Variants in RGS7BP observed in about 807,000 individuals in gnomAD.
RGS7BP encodes regulator of G protein signaling 7-binding protein.
In RGS7BP, 9 loss-of-function variants were observed where a neutral mutation model predicts 31.3. That is an observed-to-expected ratio of 0.29 (90% CI 0.17 to 0.50). The LOEUF is 0.50. Ranked by LOEUF, RGS7BP falls within the 20% of genes least tolerant of loss-of-function variation. The probability of loss-of-function intolerance (pLI) is 0.98; values close to 1 mark genes in which losing one functional copy is unlikely to be tolerated. For missense variants in RGS7BP, 274 were observed against 322.0 expected (o/e 0.85, Z 1.14); for synonymous variants, 115 against 120.1 (o/e 0.96, Z 0.28).
At chr5:64,540,713 G>A (rs1741506218) in intron 2 of RGS7BP, among the ~76,000 whole-genome samples, 1 of 152,178 alleles carries the variant, frequency 6.6e-6, no homozygotes, top group African/African-American at 2.4e-5. Context: ...ATTATTGGGG[G>A]AACTCTTGTG....
intron 2 of RGS7BP, among the ~76,000 whole-genome samples, chr5:64,533,250 G>T (rs561956649): frequency 6.6e-6 from 1 of 152,150 alleles, no homozygotes; most frequent in Non-Finnish European, 1.5e-5. Flanking sequence ...GAGAGAGACT[G>T]ATGTGGTTGG....
chr5:64,548,699 G>A (rs1741718512), intron 2 of RGS7BP, among the ~76,000 whole-genome samples: 1 of 151,920 alleles, frequency 6.6e-6, no homozygotes, highest in Non-Finnish European at 1.5e-5. Flanking sequence ...TAGAGACGGG[G>A]TTTCATCATG....
chr5:64,595,322 C>T (rs1272508634), intron 4 of RGS7BP, among the ~76,000 whole-genome samples: 1 of 152,158 alleles, frequency 6.6e-6, no homozygotes, highest in Non-Finnish European at 1.5e-5. Context: ...GCCTGCTTAG[C>T]TGCCATTTAG....
intron 2 of RGS7BP, among the ~76,000 whole-genome samples, chr5:64,537,517 A>G (rs1741407861): frequency 6.6e-6 from 1 of 152,076 alleles, no homozygotes; most frequent in Admixed American, 6.6e-5. Flanking sequence ...TGGGTAGGAG[A>G]GTTTTTACTG....
At chr5:64,604,316 A>G (rs1301097094) in intron 5 of RGS7BP, among the ~76,000 whole-genome samples, 1 of 152,050 alleles carries the variant, frequency 6.6e-6, no homozygotes. Flanking sequence ...CTTCTCCTCC[A>G]AATGGGAGGA....
rs535980303 is a variant in RGS7BP, at chr5:64,520,931, G to A, written c.332+13054G>A. 4.6e-5 allele frequency among the ~76,000 whole-genome samples: 7 copies of A among 152,328 alleles called. No individual in the cohort carries two copies. The East Asian group carries it at 5.8e-4, about 13-fold the overall frequency. ...GAAGAAGTCATAGGAAATGAGATCC[G>A]GGAGAGATTATCAGACCAATCTCAA... On this transcript the variant is annotated intron_variant, in intron 2 of 5. Coordinates refer to ENST00000334025, the MANE Select transcript of RGS7BP (RefSeq NM_001029875.3).
chr5:64,567,915 T>C (rs981570472), intron 2 of RGS7BP, among the ~76,000 whole-genome samples: 2 of 148,602 alleles, frequency 1.3e-5, no homozygotes, highest in African/African-American at 4.9e-5. Flanking sequence ...TGAATGATAA[T>C]TGACCTTTGA....
intron 2 of RGS7BP, among the ~76,000 whole-genome samples, chr5:64,572,185 T>C (rs1185394687): frequency 6.6e-6 from 1 of 152,188 alleles, no homozygotes; most frequent in East Asian, 1.9e-4. Context: ...TATAAATGTT[T>C]CCTAAGGTTT....
intron 2 of RGS7BP, among the ~76,000 whole-genome samples, chr5:64,543,955 T>C (rs1257394828): frequency 6.6e-6 from 1 of 152,258 alleles, no homozygotes; most frequent in Non-Finnish European, 1.5e-5. Context: ...ACTTTCAGCA[T>C]TTTTTAAAAA....
chr5:64,515,927 G>C (rs954638124), intron 2 of RGS7BP, among the ~76,000 whole-genome samples: 1 of 151,958 alleles, frequency 6.6e-6, no homozygotes, highest in Non-Finnish European at 1.5e-5. Flanking sequence ...AGCCTCCTGA[G>C]TAGCTGGGAC....
chr5:64,585,400 C>T (rs572154946), intron 3 of RGS7BP, among the ~76,000 whole-genome samples: 1 of 151,838 alleles, frequency 6.6e-6, no homozygotes, highest in African/African-American at 2.4e-5. Flanking sequence ...TCCATTGTCA[C>T]TGGCAAGCTG....
At chr5:64,605,955 T>C (rs973348369) in intron 5 of RGS7BP, among the ~76,000 whole-genome samples, 3 of 132,764 alleles carry the variant, frequency 2.3e-5, no homozygotes, top group Admixed American at 1.5e-4. Flanking sequence ...TGGATACATA[T>C]ATATATGCTA....
At chr5:64,545,869 G>A (rs185594418) in intron 2 of RGS7BP, among the ~76,000 whole-genome samples, 2 of 152,312 alleles carry the variant, frequency 1.3e-5, no homozygotes, top group East Asian at 1.9e-4. Flanking sequence ...CTAATAGGCT[G>A]CTAGATAAAT....
chr5:64,604,196 A>T (rs1743295191), intron 5 of RGS7BP, among the ~76,000 whole-genome samples: 1 of 152,052 alleles, frequency 6.6e-6, no homozygotes. Flanking sequence ...TGTTCTCTCC[A>T]TTCTGAAGGC....
At chr5:64,510,986 T>C (rs181153609) in intron 2 of RGS7BP, among the ~76,000 whole-genome samples, 1 of 152,336 alleles carries the variant, frequency 6.6e-6, no homozygotes. Flanking sequence ...AGACTCCCAC[T>C]TCCTGGTCTA....
intron 2 of RGS7BP, among the ~76,000 whole-genome samples, chr5:64,565,540 A>G (rs536916992): frequency 2.0e-5 from 3 of 152,150 alleles, no homozygotes; most frequent in South Asian, 4.1e-4. Context: ...CTTCAGGAAA[A>G]TAAACCCTCA....
intron 2 of RGS7BP, among the ~76,000 whole-genome samples, chr5:64,541,643 G>T (rs1741528441): frequency 6.6e-6 from 1 of 152,126 alleles, no homozygotes; most frequent in South Asian, 2.1e-4. Context: ...TTTTCACTGA[G>T]TTTTCTTAAT....
At chr5:64,511,879 A>G (rs994330281) in intron 2 of RGS7BP, among the ~76,000 whole-genome samples, 10 of 152,146 alleles carry the variant, frequency 6.6e-5, no homozygotes, top group Non-Finnish European at 1.2e-4. Context: ...TAGTTGAGAG[A>G]GTTAACTGAG....
intron 5 of RGS7BP, among the ~76,000 whole-genome samples, chr5:64,600,063 TG>T (rs1743179117): frequency 6.6e-6 from 1 of 152,210 alleles, no homozygotes; most frequent in Non-Finnish European, 1.5e-5. Context: ...CCACTCACTC[TG>T]CAACAGACCA....
Sources: gnomAD v4.1 joint callset for allele counts (sites outside exome capture counted in the v4.1 genomes callset) on GRCh38, gnomAD v4.1.1 for gene constraint, MANE v1.5 for transcripts, NCBI Gene and HGNC (gene_info 2026-07-23, HGNC 2026-07-21) for gene names.